GUCY1A2: variants seen among roughly 807,000 people sequenced by gnomAD.
GUCY1A2 encodes guanylate cyclase soluble subunit alpha-2.
In GUCY1A2, 27 loss-of-function variants were observed where a neutral mutation model predicts 63.5. The ratio of observed to expected loss-of-function variants is 0.43; its 90% confidence interval spans 0.31 to 0.59. The LOEUF is 0.59. GUCY1A2 is among the 20% of genes least tolerant of loss of function. The pLI is 0.11. For missense variants in GUCY1A2, 768 were observed against 913.3 expected (o/e 0.84, Z 2.05); for synonymous variants, 364 against 343.5 (o/e 1.06, Z -0.66).
chr11:106,820,169 T>C (rs1464313653), intron 4 of GUCY1A2, among the ~76,000 whole-genome samples: 2 of 152,200 alleles, frequency 1.3e-5, no homozygotes, highest in Non-Finnish European at 2.9e-5. Flanking sequence ...AAAAATAAGG[T>C]GCTTTGAAAT....
chr11:106,946,546 C>G (rs1025623632), intron 3 of GUCY1A2, among the ~76,000 whole-genome samples: 1 of 151,000 alleles, frequency 6.6e-6, no homozygotes, highest in African/African-American at 2.4e-5. Flanking sequence ...AAAGAAACTG[C>G]AAGAAAAAAA....
At chr11:106,780,970 G>A (rs562477306) in intron 5 of GUCY1A2, among the ~76,000 whole-genome samples, 1 of 152,172 alleles carries the variant, frequency 6.6e-6, no homozygotes, top group Non-Finnish European at 1.5e-5. Context: ...GGAAGTGTTA[G>A]TGGATTCCTT....
At chr11:106,989,455 T>C (rs914296624) in intron 1 of GUCY1A2, among the ~76,000 whole-genome samples, 1 of 152,142 alleles carries the variant, frequency 6.6e-6, no homozygotes, top group Non-Finnish European at 1.5e-5. Context: ...GTGTACCTTA[T>C]TTTTATGGGA....
intron 2 of GUCY1A2, among the ~76,000 whole-genome samples, chr11:106,984,700 C>T (rs957854887): frequency 6.6e-6 from 1 of 152,138 alleles, no homozygotes; most frequent in Non-Finnish European, 1.5e-5. Context: ...GTAGTGCTCA[C>T]CACATACGAG....
At chr11:106,716,768 CAAAAAAA>C (rs56999589) in intron 6 of GUCY1A2, among the ~76,000 whole-genome samples, 2 of 55,300 alleles carry the variant, frequency 3.6e-5, no homozygotes, top group East Asian at 7.5e-4. Flanking sequence ...GACTCCGTCT[CAAAAAAA>C]AAAAAAAAAA....
intron 6 of GUCY1A2, among the ~76,000 whole-genome samples, chr11:106,767,674 G>A (rs1864187025): frequency 6.6e-6 from 1 of 152,040 alleles, no homozygotes; most frequent in Non-Finnish European, 1.5e-5. Context: ...AAATCATTAT[G>A]CTGATATCTT....
chr11:107,001,666 AT>A (rs1861614802), intron 1 of GUCY1A2, among the ~76,000 whole-genome samples: 1 of 151,210 alleles, frequency 6.6e-6, no homozygotes, highest in African/African-American at 2.5e-5. Flanking sequence ...TTCTTACAAC[AT>A]TTGTGTGGTA....
intron 3 of GUCY1A2, among the ~76,000 whole-genome samples, chr11:106,953,859 A>T (rs1280486204): frequency 6.6e-6 from 1 of 152,110 alleles, no homozygotes; most frequent in Non-Finnish European, 1.5e-5. Context: ...CTGTGGGGTC[A>T]GTGGTGATAT....
Position 106,978,622 on chromosome 11 carries a change from G to C in GUCY1A2, c.484C>G (p.Leu162Val), listed in dbSNP as rs760973332. The change falls in exon 3 of 8, where the codon CTC becomes GTC. Residue 162 changes from leucine (L) to valine (V), a missense_variant. Physicochemically the swap from Leu to Val is conservative, Grantham distance 32. Transcript: ENST00000526355. ...TAAATATATATAGTTAATATACCGA[G>C]TATATTAGCAGTACACTGAAGAATT... is the stretch of plus-strand genomic sequence containing the variant. Reference protein sequence around the residue: ...SGILQCTANILGLKFEEIQKR... With the variant: ...SGILQCTANIVGLKFEEIQKR... 1 of 1,516,686 alleles carries C rather than the reference G, an allele frequency of 6.6e-7. No individual in the cohort carries two copies. Among genetic ancestry groups the C allele is most frequent in the Non-Finnish European group, 9.1e-7 (1 of 1,095,796 alleles). 94.0% of individuals were successfully genotyped at this position (1,516,686 alleles called of 1,614,324 possible). A position where few individuals can be genotyped will look rare whatever the true frequency, so the allele number is the denominator to read the frequency against.
At chr11:106,819,838 C>CTG (rs932305872) in intron 4 of GUCY1A2, among the ~76,000 whole-genome samples, 17 of 152,028 alleles carry the variant, frequency 1.1e-4, no homozygotes, top group African/African-American at 4.1e-4. Context: ...TTTGAGACAC[C>CTG]ATGTTTGAAC....
chr11:107,014,786 G>A (rs1446119550), intron 1 of GUCY1A2, among the ~76,000 whole-genome samples: 1 of 152,088 alleles, frequency 6.6e-6, no homozygotes, highest in Non-Finnish European at 1.5e-5. Context: ...GAGCTTCCAT[G>A]GCAAGTACAG....
At chr11:106,731,406 A>G (rs932312635) in intron 6 of GUCY1A2, among the ~76,000 whole-genome samples, 3 of 152,300 alleles carry the variant, frequency 2.0e-5, no homozygotes, top group East Asian at 3.9e-4. Flanking sequence ...AGAGCCACCT[A>G]TGACAAATCC....
At chr11:106,693,880 C>A (rs909292418) in intron 7 of GUCY1A2, among the ~76,000 whole-genome samples, 2 of 151,904 alleles carry the variant, frequency 1.3e-5, no homozygotes, top group Non-Finnish European at 1.5e-5. Flanking sequence ...TATATTGTCT[C>A]TTTTTCCTCT....
At chr11:106,809,114 C>T (rs1461877981) in intron 5 of GUCY1A2, among the ~76,000 whole-genome samples, 1 of 152,024 alleles carries the variant, frequency 6.6e-6, no homozygotes, top group Non-Finnish European at 1.5e-5. Context: ...GTGAATCAGA[C>T]AAGTTCTTTC....
intron 4 of GUCY1A2, among the ~76,000 whole-genome samples, chr11:106,822,954 T>A (rs2135431419): frequency 6.6e-6 from 1 of 152,332 alleles, no homozygotes. Context: ...TTGTAATTGT[T>A]ACTTTTTTTA....
intron 5 of GUCY1A2, among the ~76,000 whole-genome samples, chr11:106,791,489 G>C (rs1419952538): frequency 2.6e-5 from 4 of 152,100 alleles, no homozygotes; most frequent in African/African-American, 9.7e-5. Context: ...GTGTGTGTGT[G>C]TGTGTGCATG....
In GUCY1A2 at chr11:106,683,966, T is replaced by C. The variant is rs1862476861; in HGVS notation, c.*3583A>G. 5.0e-6 allele frequency: 1 copy of C among 198,618 alleles called. No homozygotes were observed. The highest frequency in any genetic ancestry group is 7.8e-5 in the East Asian group (1 of 12,830). The allele number at this position is 198,618 out of a possible 1,614,324, so 12.3% of individuals were successfully genotyped here. On this transcript the variant is annotated 3_prime_UTR_variant, in exon 8 of 8. Coordinates refer to ENST00000526355, the MANE Select transcript of GUCY1A2 (RefSeq NM_000855.3). ...GGCTTTGCCTTTTGTTATCTATCAA[T>C]TTAATTTTGCTTTATTGCTGGAACT...
At chr11:106,786,128 T>C (rs180691682) in intron 5 of GUCY1A2, among the ~76,000 whole-genome samples, 9 of 152,310 alleles carry the variant, frequency 5.9e-5, no homozygotes, top group East Asian at 3.9e-4. Context: ...AGAAAGTTTG[T>C]TGAGCTCAAT....
intron 7 of GUCY1A2, among the ~76,000 whole-genome samples, chr11:106,706,212 G>A (rs1178666089): frequency 6.6e-6 from 1 of 152,128 alleles, no homozygotes; most frequent in Non-Finnish European, 1.5e-5. Flanking sequence ...AACAGGTAAT[G>A]TTGGACATTC....
Sources: allele counts gnomAD v4.1 joint callset (sites outside exome capture counted in the v4.1 genomes callset), GRCh38; gene constraint gnomAD v4.1.1; transcripts MANE v1.5; gene names NCBI Gene and HGNC (gene_info 2026-07-23, HGNC 2026-07-21).